DENND3: variants seen among roughly 807,000 people sequenced by gnomAD.
DENND3 encodes the protein DENN domain containing 3, also known as DENN domain-containing protein 3.
A neutral mutation model predicts 135.1 loss-of-function variants in DENND3; 88 were observed. That is an observed-to-expected ratio of 0.65 (90% CI 0.55 to 0.78). The LOEUF is 0.78. Ranked by LOEUF, DENND3 falls within the 30% of genes least tolerant of loss-of-function variation. The pLI is 0.00. For synonymous variants in DENND3, 693 were observed against 712.3 expected (o/e 0.97, Z 0.43); for missense variants, 1,392 against 1,688.4 (o/e 0.82, Z 3.08).
chr8:141,167,887 T>G lies in DENND3; in HGVS notation c.1754-117T>G. ...GAGCTTTCTGGAGGGAGCACACCCA[T>G]TCTCATTTTATTTTGCATCCAGAGA... On this transcript the variant is annotated intron_variant, in intron 12 of 22. Coordinates refer to ENST00000519811, the MANE Select transcript of DENND3 (RefSeq NM_001352890.3). This position sits in a 1 kb window ranked among gnomAD's most constrained non-coding sequence, Gnocchi z 4.1. 5.0e-6 allele frequency: 7 copies of G among 1,401,022 alleles called. No homozygotes were observed. The highest frequency in any genetic ancestry group is 5.8e-6 in the Non-Finnish European group (6 of 1,031,154). The allele number at this position is 1,401,022 out of a possible 1,614,324, so 86.8% of individuals were successfully genotyped here.
Position 141,130,160 on chromosome 8 carries a change from C to A in DENND3, c.102+1351C>A, listed in dbSNP as rs149865901. Reference sequence around the variant, plus strand: ...TGGGTGTTAGTTGCTTGGTGTGACACATGTCTTTTGAGGGCAGGGCGAATC... The same window carrying A: ...TGGGTGTTAGTTGCTTGGTGTGACAAATGTCTTTTGAGGGCAGGGCGAATC... On this transcript the variant is annotated intron_variant, in intron 1 of 22. Coordinates refer to ENST00000519811, the MANE Select transcript of DENND3 (RefSeq NM_001352890.3). The surrounding 1 kb of genome is among the most constrained non-coding windows in gnomAD (Gnocchi z 4.2). Among the ~76,000 whole-genome samples, 1 of 152,174 alleles carries A rather than the reference C, an allele frequency of 6.6e-6. No homozygotes were observed. The highest frequency in any genetic ancestry group is 1.9e-4 in the East Asian group (1 of 5,206).
Position 141,146,459 on chromosome 8 carries a change from A to G in DENND3, c.735+2200A>G, listed in dbSNP as rs1258786390. Among the ~76,000 whole-genome samples the G allele has an allele frequency of 6.6e-6, 1 of 152,238 alleles. No individual in the cohort carries two copies. The highest frequency in any genetic ancestry group is 1.5e-5 in the Non-Finnish European group (1 of 68,038). On this transcript the variant is annotated intron_variant, in intron 5 of 22. Transcript: ENST00000519811. The surrounding 1 kb of genome is among the most constrained non-coding windows in gnomAD (Gnocchi z 4.3). ...TTCCAAACTAATTTTAACTGTACTT[A>G]GGATGCTGCTTTTTATTTTTTCCTT...
At chr8:141,152,654 C>T (rs531762010) in intron 7 of DENND3, among the ~76,000 whole-genome samples, 2 of 152,354 alleles carry the variant, frequency 1.3e-5, no homozygotes, top group African/African-American at 4.8e-5. Context: ...ATCTTCATCA[C>T]ACTGTTCAGT....
chr8:141,129,011 C>G (rs892344795), intron 1 of DENND3, among the ~76,000 whole-genome samples: 2 of 152,206 alleles, frequency 1.3e-5, no homozygotes, highest in South Asian at 4.1e-4. Context: ...GCGCCCTGCT[C>G]CCCTCCCCTC....
intron 4 of DENND3, chr8:141,143,852 G>T: frequency 3.6e-6 from 1 of 279,124 alleles, no homozygotes; most frequent in Non-Finnish European, 6.7e-6. Flanking sequence ...ACAAATTCCA[G>T]TGATTTCCCA....
chr8:141,169,690 G>T (rs1025958809), intron 13 of DENND3, among the ~76,000 whole-genome samples: 1 of 152,218 alleles, frequency 6.6e-6, no homozygotes, highest in African/African-American at 2.4e-5. Context: ...TACTACAAAT[G>T]GATGCACCTG....
intron 16 of DENND3, among the ~76,000 whole-genome samples, chr8:141,178,809 A>T (rs1332319781): frequency 6.6e-6 from 1 of 151,642 alleles, no homozygotes; most frequent in Admixed American, 6.6e-5. Flanking sequence ...CTGGTGCTGG[A>T]CTCCCATTTT....
At chr8:141,136,816 T>A (rs1446071362) in intron 2 of DENND3, 25 bp downstream of exon 2, 1 of 1,520,926 alleles carries the variant, frequency 6.6e-7, no homozygotes, top group Non-Finnish European at 8.8e-7. Flanking sequence ...TGGGCACCAC[T>A]GGGCGCCTCC....
At position 141,194,141 on chromosome 8, in the gene DENND3, A is replaced by C; in HGVS notation, c.3745A>C (p.Thr1249Pro). The change falls in exon 23 of 23, where the codon ACC becomes CCC. Residue 1249 changes from threonine (T) to proline (P), a missense_variant. By Grantham distance (38) the Thr-to-Pro change is conservative. Coordinates refer to ENST00000519811, the MANE Select transcript of DENND3 (RefSeq NM_001352890.3). Reference sequence around the variant, plus strand: ...GAAGGAGCTGGTGGCGCACATGGACACCGTGAGGACGCTGTGCTCGGCTGA... The same window carrying C: ...GAAGGAGCTGGTGGCGCACATGGACCCCGTGAGGACGCTGTGCTCGGCTGA... Reference protein sequence around the residue: ...VEKELVAHMDTVRTLCSAEDR... With the variant: ...VEKELVAHMDPVRTLCSAEDR... 1 of 1,613,794 alleles carries C rather than the reference A, an allele frequency of 6.2e-7. No homozygotes were observed. The highest frequency in any genetic ancestry group is 8.5e-7 in the Non-Finnish European group (1 of 1,179,984).
chr8:141,145,834 TATA>T (rs1818018295), intron 5 of DENND3, among the ~76,000 whole-genome samples: 2 of 82,334 alleles, frequency 2.4e-5, no homozygotes, highest in African/African-American at 1.7e-4. Flanking sequence ...TATATATATA[TATA>T]TATATATATA....
chr8:141,183,686 G>A (rs1823476763), intron 17 of DENND3, among the ~76,000 whole-genome samples: 1 of 151,350 alleles, frequency 6.6e-6, no homozygotes, highest in South Asian at 2.1e-4. Context: ...TGGGAATGAC[G>A]GGTGAGAAGC....
Position 141,136,610 on chromosome 8 carries a change from G to A in DENND3, c.204G>A (p.Met68Ile), listed in dbSNP as rs1326900564. Residue 68 changes from methionine to isoleucine, a missense_variant, in exon 2 of 23, where the codon ATG becomes ATA. Transcript: ENST00000519811. ...PPFISKEDSQ[M>I]AGANCGTLGK... ...TTATCAGTAAAGAGGACAGTCAAATGGCCGGTGCCAACTGCGGCACTCTCG... is the reference window on the plus strand; with the variant it reads ...TTATCAGTAAAGAGGACAGTCAAATAGCCGGTGCCAACTGCGGCACTCTCG... 4.4e-6 allele frequency: 7 copies of A among 1,604,380 alleles called. No homozygotes were observed. The highest frequency in any genetic ancestry group is 2.2e-5 in the East Asian group (1 of 44,602).
intron 9 of DENND3, among the ~76,000 whole-genome samples, chr8:141,162,217 AT>A (rs1248199769): frequency 6.6e-6 from 1 of 152,246 alleles, no homozygotes; most frequent in Non-Finnish European, 1.5e-5. Context: ...AAGAGGCATA[AT>A]TAGTGGGGTC....
intron 10 of DENND3, among the ~76,000 whole-genome samples, chr8:141,164,873 T>A (rs375072): frequency 0.1 from 15,494 of 152,270 alleles, 1,353 homozygotes; most frequent in African/African-American, 0.23. Context: ...TCATAGTTTA[T>A]GTCAGGAGGA....
rs1164575651 is a variant in DENND3 at position 141,190,211 on chromosome 8, T to C, written c.3246-73T>C. ...TTTCTCTCATGGCGACTTGGTTCTC[T>C]CTTGGGTTAAAATGTGCACAGTGTT... On this transcript the variant is annotated intron_variant, in intron 19 of 22. Coordinates refer to ENST00000519811, the MANE Select transcript of DENND3 (RefSeq NM_001352890.3). The C allele has an allele frequency of 6.9e-6, 10 of 1,453,140 alleles. No individual in the cohort carries two copies. In the Admixed American group the frequency reaches 2.5e-4, roughly 36 times the overall value. The allele number at this position is 1,453,140 out of a possible 1,614,324, so 90.0% of individuals were successfully genotyped here. A position where few individuals can be genotyped will look rare whatever the true frequency, so the allele number is the denominator to read the frequency against.
intron 6 of DENND3, 132 bp downstream of exon 6, chr8:141,151,085 A>T: frequency 1.5e-6 from 2 of 1,296,214 alleles, no homozygotes; most frequent in Non-Finnish European, 2.0e-6. Context: ...AATGTTTATT[A>T]TTATTTTTTA....
rs1818177517 is a variant in DENND3, at chr8:141,146,634, G to C, written c.735+2375G>C. Among the ~76,000 whole-genome samples, 1 of 152,074 alleles carries C rather than the reference G, an allele frequency of 6.6e-6. No individual in the cohort carries two copies. Among genetic ancestry groups the C allele is most frequent in the African/African-American group, 2.4e-5 (1 of 41,402 alleles). On this transcript the variant is annotated intron_variant, in intron 5 of 22. Transcript: ENST00000519811. This position sits in a 1 kb window ranked among gnomAD's most constrained non-coding sequence, Gnocchi z 4.3. ...AAAAAATAAGTTTCTTGTATCAAAAGACACATGATTGTGAACTTAAAATGT... is the reference window on the plus strand; with the variant it reads ...AAAAAATAAGTTTCTTGTATCAAAACACACATGATTGTGAACTTAAAATGT...
intron 18 of DENND3, among the ~76,000 whole-genome samples, chr8:141,186,328 C>T (rs1823882249): frequency 6.6e-6 from 1 of 152,128 alleles, no homozygotes; most frequent in Non-Finnish European, 1.5e-5. Context: ...CAGTGTTATC[C>T]ACCTGTCCCC....
At chr8:141,157,729 G>C (rs1208989682) in intron 8 of DENND3, 1 of 985,292 alleles carries the variant, frequency 1.0e-6, no homozygotes, top group South Asian at 4.7e-5. Context: ...TACCTGGAAG[G>C]TTTCTGAAAA....
Sources: allele counts gnomAD v4.1 joint callset (sites outside exome capture counted in the v4.1 genomes callset), GRCh38; gene constraint gnomAD v4.1.1; non-coding constraint Gnocchi (gnomAD v3.1); transcripts MANE v1.5; gene names NCBI Gene and HGNC (gene_info 2026-07-23, HGNC 2026-07-21).